The following SLCO3A1 variants were observed in gnomAD, a reference collection of about 807,000 sequenced individuals.
SLCO3A1 encodes the protein PGE1 transporter.
SLCO3A1 carries 27 observed loss-of-function variants against 63.1 expected under a neutral mutation model. That is an observed-to-expected ratio of 0.43 (90% confidence interval 0.32 to 0.59). The LOEUF (loss-of-function observed/expected upper bound fraction) is 0.59, where lower values mean the gene tolerates loss of function less well. SLCO3A1 is among the 20% of genes least tolerant of loss of function. SLCO3A1 has a pLI of 0.09. For synonymous variants in SLCO3A1, 473 were observed against 409.9 expected (o/e 1.15, Z -1.86); for missense variants, 773 against 945.8 (o/e 0.82, Z 2.40).
At chr15:92,169,803 CA>C (rs2048511920), downstream of SLCO3A1, among the ~76,000 whole-genome samples, 1 of 152,156 alleles carries the variant, frequency 6.6e-6, no homozygotes, top group Non-Finnish European at 1.5e-5. Flanking sequence ...CAGAGGAGAC[CA>C]GGGGCACTTG....
At chr15:91,910,509 T>G (rs1898450627) in intron 1 of SLCO3A1, among the ~76,000 whole-genome samples, 1 of 152,220 alleles carries the variant, frequency 6.6e-6, no homozygotes, top group Admixed American at 6.5e-5. Context: ...TGTGGCTAGC[T>G]TTTTAGTGTG....
intron 2 of SLCO3A1, among the ~76,000 whole-genome samples, chr15:91,986,479 T>A (rs1011855322): frequency 9.3e-5 from 14 of 150,436 alleles, no homozygotes; most frequent in Non-Finnish European, 1.8e-4. Flanking sequence ...CATTTTTTTT[T>A]AAAGTATGCA....
chr15:92,006,037 G>A (rs750481356), intron 2 of SLCO3A1, among the ~76,000 whole-genome samples: 13 of 152,160 alleles, frequency 8.5e-5, no homozygotes, highest in Non-Finnish European at 1.0e-4. Flanking sequence ...TGCTCAGGCT[G>A]TGTCTGTTAG....
In SLCO3A1 at chr15:91,950,826, T is replaced by C. The variant is rs536652633; in HGVS notation, c.646+34368T>C. Among the ~76,000 whole-genome samples, 2 of 152,222 alleles carry C rather than the reference T, an allele frequency of 1.3e-5. No individual in the cohort carries two copies. Among genetic ancestry groups the C allele is most frequent in the African/African-American group, 2.4e-5 (1 of 41,536 alleles). On this transcript the variant is annotated intron_variant, in intron 2 of 9. Coordinates refer to ENST00000318445, the MANE Select transcript of SLCO3A1 (RefSeq NM_013272.4). This position sits in a 1 kb window ranked among gnomAD's most constrained non-coding sequence, Gnocchi z 4.4. ...GCTAATTCTGCCTTTAGTAATTTGA[T>C]GACAGAGACTTCTTGGGAACCACAG...
exon 11 of SLCO3A1, chr15:92,172,204 G>A: frequency 4.6e-6 from 1 of 216,510 alleles, no homozygotes; most frequent in Non-Finnish European, 9.1e-6. Flanking sequence ...TCTTGGGAAT[G>A]CTCCTCTGAC....
At chr15:92,007,575 T>C (rs1177258706) in intron 2 of SLCO3A1, among the ~76,000 whole-genome samples, 1 of 152,156 alleles carries the variant, frequency 6.6e-6, no homozygotes, top group Non-Finnish European at 1.5e-5. Flanking sequence ...TGTACTAGAA[T>C]GGCCTTGCAT....
At chr15:92,029,237 A>G (rs2046615717) in intron 2 of SLCO3A1, among the ~76,000 whole-genome samples, 2 of 152,182 alleles carry the variant, frequency 1.3e-5, no homozygotes, top group African/African-American at 4.8e-5. Context: ...GGGGAAAAAA[A>G]GGAAACTTGT....
At chr15:91,961,960 T>C (rs1900463667) in intron 2 of SLCO3A1, among the ~76,000 whole-genome samples, 1 of 152,192 alleles carries the variant, frequency 6.6e-6, no homozygotes, top group Non-Finnish European at 1.5e-5. Flanking sequence ...ATTCCCATCA[T>C]GTGGGAGGAA....
intron 9 of SLCO3A1, 166 bp from the exon 10 acceptor site, chr15:92,162,590 C>A: frequency 8.8e-7 from 1 of 1,130,702 alleles, no homozygotes. Flanking sequence ...AATAAAAAGG[C>A]AGAACTGGGA....
At chr15:91,902,632 C>T (rs922243633) in intron 1 of SLCO3A1, among the ~76,000 whole-genome samples, 3 of 152,034 alleles carry the variant, frequency 2.0e-5, no homozygotes, top group African/African-American at 2.4e-5. Flanking sequence ...AATTAGTGCT[C>T]CTCAGTTTGT....
chr15:92,170,153 A>G (rs2048513790), downstream of SLCO3A1, among the ~76,000 whole-genome samples: 1 of 152,216 alleles, frequency 6.6e-6, no homozygotes, highest in South Asian at 2.1e-4. Context: ...ACCTTATAGA[A>G]GATTGCTCTC....
At chr15:91,985,160 C>T (rs2046036384) in intron 2 of SLCO3A1, among the ~76,000 whole-genome samples, 1 of 152,178 alleles carries the variant, frequency 6.6e-6, no homozygotes, top group Non-Finnish European at 1.5e-5. Context: ...AGTAACCTCT[C>T]TTTTGATATC....
chr15:91,919,165 C>T (rs1041894375), intron 2 of SLCO3A1, among the ~76,000 whole-genome samples: 1 of 152,174 alleles, frequency 6.6e-6, no homozygotes, highest in African/African-American at 2.4e-5. Flanking sequence ...CATCGGTGGC[C>T]GTGTCGTAGC....
At chr15:91,934,089 C>T (rs1466304936) in intron 2 of SLCO3A1, among the ~76,000 whole-genome samples, 3 of 152,116 alleles carry the variant, frequency 2.0e-5, no homozygotes, top group Admixed American at 6.5e-5. Flanking sequence ...CATGAGACTC[C>T]TGGATCAGAG....
intron 1 of SLCO3A1, among the ~76,000 whole-genome samples, chr15:91,857,090 GTGTGTGTGTGTC>G (rs1221669646): frequency 3.3e-5 from 5 of 151,116 alleles, no homozygotes; most frequent in East Asian, 1.9e-4. Context: ...GAGAGAAAAT[GTGTGTGTGTGTC>G]TGTGTGTGTG....
At chr15:91,890,814 C>G (rs1897850821) in intron 1 of SLCO3A1, among the ~76,000 whole-genome samples, 1 of 152,238 alleles carries the variant, frequency 6.6e-6, no homozygotes, top group Non-Finnish European at 1.5e-5. Context: ...AAGGAGCTCT[C>G]TGCTGGTGTG....
At chr15:91,972,422 C>G (rs1238659818) in intron 2 of SLCO3A1, among the ~76,000 whole-genome samples, 1 of 152,114 alleles carries the variant, frequency 6.6e-6, no homozygotes, top group African/African-American at 2.4e-5. Flanking sequence ...AGAGGTGCCT[C>G]GCCCTCTCCA....
At chr15:91,988,009 CAT>C (rs1357050428) in intron 2 of SLCO3A1, among the ~76,000 whole-genome samples, 1 of 152,146 alleles carries the variant, frequency 6.6e-6, no homozygotes, top group Non-Finnish European at 1.5e-5. Context: ...TTTACAAACC[CAT>C]GTCTGTACCA....
chr15:92,099,989 C>T (rs917083415), intron 3 of SLCO3A1, among the ~76,000 whole-genome samples: 10 of 151,888 alleles, frequency 6.6e-5, no homozygotes, highest in African/African-American at 2.2e-4. Context: ...TTGCTTGAAC[C>T]CAGGAGGTGG....
Sources: gnomAD v4.1 joint callset for allele counts (sites outside exome capture counted in the v4.1 genomes callset) on GRCh38, gnomAD v4.1.1 for gene constraint, Gnocchi (gnomAD v3.1) non-coding constraint, MANE v1.5 for transcripts, NCBI Gene and HGNC (gene_info 2026-07-23, HGNC 2026-07-21) for gene names.